Variants in NLGN1 observed in about 807,000 individuals in gnomAD.
NLGN1 encodes neuroligin-1.
Under a neutral mutation model 65.5 loss-of-function variants are expected in NLGN1, and 12 were observed. That is an observed-to-expected ratio of 0.18 (90% CI 0.12 to 0.30). NLGN1 has a LOEUF of 0.30. NLGN1 is among the 10% of genes least tolerant of loss of function. NLGN1 has a pLI of 1.00. For missense variants in NLGN1, 750 were observed against 1,007.1 expected, an observed-to-expected ratio of 0.74 and a Z score of 3.46; for synonymous variants, 350 against 359.5, an observed-to-expected ratio of 0.97 and a Z score of 0.30.
chr3:173,640,196 G>A (rs1229711252), intron 3 of NLGN1, among the ~76,000 whole-genome samples: 1 of 152,106 alleles, frequency 6.6e-6, no homozygotes, highest in Non-Finnish European at 1.5e-5. Context: ...ATTATTCAGA[G>A]GAACAGTCTG....
intron 3 of NLGN1, among the ~76,000 whole-genome samples, chr3:173,749,371 T>G (rs1052276259): frequency 1.3e-5 from 2 of 152,046 alleles, no homozygotes; most frequent in African/African-American, 2.4e-5. Flanking sequence ...TTTCTAGGCC[T>G]CAGTTTCCTC....
intron 4 of NLGN1, among the ~76,000 whole-genome samples, chr3:174,094,093 T>C (rs1406178733): frequency 6.6e-6 from 1 of 152,184 alleles, no homozygotes; most frequent in African/African-American, 2.4e-5. Context: ...TAGTATAGAC[T>C]AGATTTAAAG....
chr3:173,453,899 G>A (rs1372149698), intron 2 of NLGN1, among the ~76,000 whole-genome samples: 1 of 152,118 alleles, frequency 6.6e-6, no homozygotes, highest in African/African-American at 2.4e-5. Flanking sequence ...TTTCCAGAAG[G>A]TTTTCAATTT....
chr3:174,036,341 T>C (rs1731121237), intron 4 of NLGN1, among the ~76,000 whole-genome samples: 1 of 152,172 alleles, frequency 6.6e-6, no homozygotes, highest in Non-Finnish European at 1.5e-5. Flanking sequence ...AACCACTGAA[T>C]TACAGGGAAA....
intron 4 of NLGN1, among the ~76,000 whole-genome samples, chr3:173,937,483 T>C (rs1431057171): frequency 6.6e-6 from 1 of 152,126 alleles, no homozygotes; most frequent in African/African-American, 2.4e-5. Flanking sequence ...TAGGTGTAAC[T>C]TGATCAAATC....
chr3:174,085,916 A>G (rs569285786), intron 4 of NLGN1, among the ~76,000 whole-genome samples: 5 of 152,144 alleles, frequency 3.3e-5, no homozygotes, highest in African/African-American at 1.2e-4. Context: ...AGCTTCTATC[A>G]TGGTCAAGAA....
chr3:174,022,195 G>A (rs1170421542), intron 4 of NLGN1, among the ~76,000 whole-genome samples: 1 of 152,062 alleles, frequency 6.6e-6, no homozygotes, highest in Non-Finnish European at 1.5e-5. Context: ...CCTAGCAGTC[G>A]GTGGGCAACC....
chr3:173,638,758 C>T (rs568701566), intron 3 of NLGN1, among the ~76,000 whole-genome samples: 131 of 152,180 alleles, frequency 8.6e-4, no homozygotes, highest in Middle Eastern at 3.4e-3. Context: ...GGTTCATAGT[C>T]TGGTTACACA....
At chr3:174,049,460 C>T (rs1321382103) in intron 4 of NLGN1, among the ~76,000 whole-genome samples, 1 of 151,858 alleles carries the variant, frequency 6.6e-6, no homozygotes, top group Non-Finnish European at 1.5e-5. Flanking sequence ...TACACCATGG[C>T]AATAGTGTAG....
chr3:173,672,405 G>T (rs1222425111), intron 3 of NLGN1, among the ~76,000 whole-genome samples: 2 of 152,266 alleles, frequency 1.3e-5, no homozygotes, highest in African/African-American at 4.8e-5. Flanking sequence ...TACGAGATTT[G>T]CATAAGGTTA....
intron 4 of NLGN1, among the ~76,000 whole-genome samples, chr3:174,121,868 A>G (rs1478798462): frequency 1.3e-5 from 2 of 152,184 alleles, no homozygotes; most frequent in African/African-American, 2.4e-5. Flanking sequence ...TTTACTTTGT[A>G]GAGCTGAGCC....
At chr3:174,037,437 G>T (rs1731380224) in intron 4 of NLGN1, among the ~76,000 whole-genome samples, 1 of 152,134 alleles carries the variant, frequency 6.6e-6, no homozygotes, top group African/African-American at 2.4e-5. Context: ...CTCTCTACCA[G>T]CATGACTATA....
chr3:174,112,665 G>A (rs578217069), intron 4 of NLGN1, among the ~76,000 whole-genome samples: 101 of 151,872 alleles, frequency 6.7e-4, no homozygotes, highest in African/African-American at 2.2e-3. Context: ...CATTACTTCC[G>A]CTTAAAATGA....
intron 4 of NLGN1, among the ~76,000 whole-genome samples, chr3:174,089,803 A>G (rs1744149414): frequency 6.6e-6 from 1 of 152,144 alleles, no homozygotes. Flanking sequence ...TCTCTCACTG[A>G]TGGCATCCAG....
chr3:173,613,773 A>G (rs1319340063), intron 3 of NLGN1, among the ~76,000 whole-genome samples: 1 of 152,156 alleles, frequency 6.6e-6, no homozygotes, highest in African/African-American at 2.4e-5. Flanking sequence ...CAATTTAAGC[A>G]TAGCTCATAA....
intron 4 of NLGN1, among the ~76,000 whole-genome samples, chr3:174,211,115 A>T (rs6781379): frequency 6.6e-6 from 1 of 151,832 alleles, no homozygotes; most frequent in South Asian, 2.1e-4. Flanking sequence ...AGATCTTCGC[A>T]GTGAGTGTTA....
chr3:173,605,601 TA>T lies in NLGN1; in HGVS notation c.493+514del. On this transcript the variant is annotated intron_variant, in intron 3 of 6. Coordinates refer to ENST00000457714, the Ensembl canonical transcript of NLGN1. ...AAATATGTAGAAAAGGAGGTATGTA[TA>T]AAAGTGGAAATTAAAAATGGGGGAA... is the stretch of plus-strand genomic sequence containing the variant. 1 of 1,269,172 alleles carries T rather than the reference TA, an allele frequency of 7.9e-7. No homozygotes were observed. The highest frequency in any genetic ancestry group is 1.0e-6 in the Non-Finnish European group (1 of 970,468). The allele number at this position is 1,269,172 out of a possible 1,614,324, so 78.6% of individuals were successfully genotyped here.
At chr3:174,119,579 C>G (rs1282105321) in intron 4 of NLGN1, among the ~76,000 whole-genome samples, 3 of 152,160 alleles carry the variant, frequency 2.0e-5, no homozygotes, top group African/African-American at 7.2e-5. Flanking sequence ...TATTCTATAA[C>G]ACATGCTATT....
chr3:173,879,636 GTGTT>G (rs1732841502), intron 4 of NLGN1, among the ~76,000 whole-genome samples: 1 of 145,144 alleles, frequency 6.9e-6, no homozygotes, highest in African/African-American at 2.5e-5. Context: ...TTTTTTCTGT[GTGTT>G]TTTTTTTTTA....
Sources: gnomAD v4.1 joint callset for allele counts (sites outside exome capture counted in the v4.1 genomes callset) on GRCh38, gnomAD v4.1.1 for gene constraint, MANE v1.5 for transcripts, NCBI Gene and HGNC (gene_info 2026-07-23, HGNC 2026-07-21) for gene names.